ADAMTS12: variants seen among roughly 807,000 people sequenced by gnomAD.
The protein encoded by ADAMTS12 is A disintegrin and metalloproteinase with thrombospondin motifs 12.
In ADAMTS12, 118 loss-of-function variants were observed where a neutral mutation model predicts 167.8. The observed-to-expected ratio is 0.70, with a 90% CI of 0.61 to 0.82. The LOEUF (loss-of-function observed/expected upper bound fraction) is 0.82. ADAMTS12 is among the 40% of genes least tolerant of loss of function. The probability of loss-of-function intolerance (pLI) is 0.00; values close to 1 mark genes in which losing one functional copy is unlikely to be tolerated. For missense variants in ADAMTS12, 1,916 were observed against 1,998.8 expected (o/e 0.96, Z 0.79); for synonymous variants, 704 against 716.9 (o/e 0.98, Z 0.29).
At chr5:33,800,111 A>T (rs1479531150) in intron 2 of ADAMTS12, among the ~76,000 whole-genome samples, 2 of 152,230 alleles carry the variant, frequency 1.3e-5, no homozygotes, top group African/African-American at 4.8e-5. Context: ...AGCAAAATAC[A>T]AACGCAGTTC....
At position 33,534,856 on chromosome 5, in the gene ADAMTS12, T is replaced by C; in HGVS notation, c.4583A>G (p.Gln1528Arg). Reference sequence around the variant, plus strand: ...ACCGGCACTTTTCTTGCAGGCCTGCTGGTTGCATTTTTTGAATTCTGGAGG... The same window carrying C: ...ACCGGCACTTTTCTTGCAGGCCTGCCGGTTGCATTTTTTGAATTCTGGAGG... ...PRPPEFKKCN[Q>R]QACKKSADLL... Residue 1528 changes from glutamine to arginine, a missense_variant, in exon 23 of 24, where the codon CAG becomes CGG. Transcript: ENST00000504830. The C allele has an allele frequency of 1.9e-6, 3 of 1,613,884 alleles. No homozygotes were observed. Among genetic ancestry groups the C allele is most frequent in the South Asian group, 1.1e-5 (1 of 90,996 alleles).
At chr5:33,669,631 G>A (rs573137913) in intron 5 of ADAMTS12, among the ~76,000 whole-genome samples, 1 of 151,854 alleles carries the variant, frequency 6.6e-6, no homozygotes, top group East Asian at 1.9e-4. Flanking sequence ...GAATATACGA[G>A]TTGAAGGCCA....
At chr5:33,749,750 A>C (rs1031512151) in intron 3 of ADAMTS12, among the ~76,000 whole-genome samples, 3 of 152,168 alleles carry the variant, frequency 2.0e-5, no homozygotes, top group African/African-American at 7.2e-5. Context: ...ATATGCCCTA[A>C]TAGGGGGCCA....
chr5:33,566,058 T>G (rs1341056788), intron 19 of ADAMTS12, among the ~76,000 whole-genome samples: 1 of 152,172 alleles, frequency 6.6e-6, no homozygotes, highest in Non-Finnish European at 1.5e-5. Flanking sequence ...TACAACCATT[T>G]TGTTTTTAGA....
chr5:33,889,402 G>A (rs1237289657), intron 1 of ADAMTS12, among the ~76,000 whole-genome samples: 1 of 152,180 alleles, frequency 6.6e-6, no homozygotes, highest in African/African-American at 2.4e-5. Flanking sequence ...AGTGGAAATG[G>A]AAGTCTAAGG....
chr5:33,813,795 A>C (rs1747548973), intron 2 of ADAMTS12, among the ~76,000 whole-genome samples: 1 of 152,220 alleles, frequency 6.6e-6, no homozygotes, highest in South Asian at 2.1e-4. Flanking sequence ...AATCCCCGTC[A>C]AGCCACCTCA....
At chr5:33,571,884 A>G (rs1179500637) in intron 19 of ADAMTS12, among the ~76,000 whole-genome samples, 2 of 152,280 alleles carry the variant, frequency 1.3e-5, no homozygotes, top group Middle Eastern at 3.4e-3. Context: ...GAGAAGAATC[A>G]AATAGACACA....
At chr5:33,719,653 C>A (rs1171484792) in intron 3 of ADAMTS12, among the ~76,000 whole-genome samples, 1 of 152,204 alleles carries the variant, frequency 6.6e-6, no homozygotes, top group Admixed American at 6.5e-5. Flanking sequence ...GGCATTTAAA[C>A]CCTGTAAGCC....
At chr5:33,870,879 A>G (rs1224876332) in intron 2 of ADAMTS12, among the ~76,000 whole-genome samples, 1 of 152,134 alleles carries the variant, frequency 6.6e-6, no homozygotes, top group African/African-American at 2.4e-5. Flanking sequence ...GCCTTCTGTC[A>G]CGATTGTAAG....
intron 23 of ADAMTS12, among the ~76,000 whole-genome samples, chr5:33,531,557 G>C (rs746163776): frequency 1.3e-5 from 2 of 152,194 alleles, no homozygotes; most frequent in Non-Finnish European, 2.9e-5. Context: ...GGTGCCACTG[G>C]AAATTGAATG....
chr5:33,547,899 T>C (rs1416368424), intron 21 of ADAMTS12, among the ~76,000 whole-genome samples: 4 of 152,072 alleles, frequency 2.6e-5, no homozygotes, highest in Non-Finnish European at 5.9e-5. Flanking sequence ...TCAGCACATA[T>C]GGAGAGTTTG....
At chr5:33,646,259 T>C (rs1176778806) in intron 9 of ADAMTS12, among the ~76,000 whole-genome samples, 2 of 152,166 alleles carry the variant, frequency 1.3e-5, no homozygotes, top group South Asian at 2.1e-4. Context: ...AGTGCATCCT[T>C]GAGTCACCAA....
intron 5 of ADAMTS12, among the ~76,000 whole-genome samples, chr5:33,668,343 A>G (rs1186979095): frequency 6.6e-6 from 1 of 152,196 alleles, no homozygotes; most frequent in Non-Finnish European, 1.5e-5. Context: ...CTGAATGCAT[A>G]TAATTTTCTC....
At chr5:33,828,020 T>C (rs1350022893) in intron 2 of ADAMTS12, among the ~76,000 whole-genome samples, 2 of 152,168 alleles carry the variant, frequency 1.3e-5, no homozygotes, top group Non-Finnish European at 2.9e-5. Flanking sequence ...TTCCTCATAA[T>C]CCTATCTAAG....
intron 3 of ADAMTS12, among the ~76,000 whole-genome samples, chr5:33,715,029 A>G (rs987292242): frequency 6.6e-6 from 1 of 152,134 alleles, no homozygotes; most frequent in African/African-American, 2.4e-5. Flanking sequence ...ATCATTGTAC[A>G]TTGTATGCAT....
chr5:33,569,162 G>A (rs1746173865), intron 19 of ADAMTS12, among the ~76,000 whole-genome samples: 1 of 152,350 alleles, frequency 6.6e-6, no homozygotes, highest in South Asian at 2.1e-4. Flanking sequence ...CACTTCTGGG[G>A]GCAGGGCACA....
intron 3 of ADAMTS12, among the ~76,000 whole-genome samples, chr5:33,727,888 A>C (rs931198341): frequency 2.6e-5 from 4 of 152,086 alleles, no homozygotes; most frequent in Admixed American, 6.6e-5. Flanking sequence ...TTCTTTACCA[A>C]TGTTCCCATG....
intron 1 of ADAMTS12, among the ~76,000 whole-genome samples, chr5:33,882,909 C>T (rs1022115208): frequency 2.6e-5 from 4 of 152,148 alleles, no homozygotes; most frequent in Non-Finnish European, 4.4e-5. Context: ...AACAAAAAAC[C>T]TTCTACTTAT....
intron 2 of ADAMTS12, among the ~76,000 whole-genome samples, chr5:33,829,475 C>G (rs1183122196): frequency 6.6e-6 from 1 of 152,118 alleles, no homozygotes; most frequent in East Asian, 1.9e-4. Flanking sequence ...AGGACCTTCC[C>G]TCCCCACCTT....
Sources: gnomAD v4.1 joint callset for allele counts (sites outside exome capture counted in the v4.1 genomes callset) on GRCh38, gnomAD v4.1.1 for gene constraint, MANE v1.5 for transcripts, NCBI Gene and HGNC (gene_info 2026-07-23, HGNC 2026-07-21) for gene names.